OR1J2: variants seen among roughly 807,000 people sequenced by gnomAD.
OR1J2 encodes olfactory receptor family 1 subfamily J member 2, also known as olfactory receptor 1J2.
For synonymous variants in OR1J2, 142 were observed against 99.7 expected, an observed-to-expected ratio of 1.42 and a Z score of -2.52; for missense variants, 304 against 246.1, an observed-to-expected ratio of 1.24 and a Z score of -1.57.
upstream of OR1J2, among the ~76,000 whole-genome samples, chr9:122,510,103 T>G (rs982471975): frequency 3.3e-5 from 5 of 152,168 alleles, no homozygotes; most frequent in Non-Finnish European, 5.9e-5. Context: ...CACGTTTACC[T>G]GTGTAACAAA....
the OR1J2 span, among the ~76,000 whole-genome samples, chr9:122,479,974 C>T: frequency 6.6e-6 from 1 of 152,178 alleles, no homozygotes; most frequent in Non-Finnish European, 1.5e-5. Context: ...CATGGCCTCA[C>T]ATTCAAAGAA....
chr9:122,473,067 C>T, the OR1J2 span, among the ~76,000 whole-genome samples: 8 of 152,284 alleles, frequency 5.3e-5, no homozygotes, highest in South Asian at 1.7e-3. Context: ...TTTATCTTAT[C>T]CATTTCTTTT....
chr9:122,467,121 G>A, the OR1J2 span, among the ~76,000 whole-genome samples: 16 of 152,126 alleles, frequency 1.1e-4, no homozygotes, highest in African/African-American at 2.7e-4. Flanking sequence ...CACCACATCC[G>A]GCTGGGAGTG....
At chr9:122,572,579 G>T in the OR1J2 span, among the ~76,000 whole-genome samples, 3 of 147,974 alleles carry the variant, frequency 2.0e-5, no homozygotes, top group Admixed American at 6.7e-5. Flanking sequence ...TTTGGGTTTG[G>T]TTTTTTTTTT....
chr9:122,509,630 G>A (rs1012901118), upstream of OR1J2, among the ~76,000 whole-genome samples: 4 of 152,160 alleles, frequency 2.6e-5, no homozygotes, highest in Middle Eastern at 3.2e-3. Flanking sequence ...ATGGAAATGT[G>A]CCTTCCCACA....
At chr9:122,552,899 A>T in the OR1J2 span, among the ~76,000 whole-genome samples, 1 of 151,680 alleles carries the variant, frequency 6.6e-6, no homozygotes, top group African/African-American at 2.4e-5. Context: ...CTCAATTCTC[A>T]CTTCCTCTAA....
chr9:122,534,460 G>A, the OR1J2 span, among the ~76,000 whole-genome samples: 1 of 152,116 alleles, frequency 6.6e-6, no homozygotes, highest in East Asian at 1.9e-4. Flanking sequence ...ATCTGATTTG[G>A]GATAAAGAAA....
downstream of OR1J2, among the ~76,000 whole-genome samples, chr9:122,514,401 A>G (rs1828673449): frequency 1.3e-5 from 2 of 152,098 alleles, no homozygotes; most frequent in African/African-American, 4.8e-5. Context: ...TTCTGTGTTA[A>G]TTTGCTTAGG....
chr9:122,467,378 A>G, the OR1J2 span, among the ~76,000 whole-genome samples: 2 of 152,144 alleles, frequency 1.3e-5, no homozygotes, highest in African/African-American at 2.4e-5. Flanking sequence ...GAAAAATACC[A>G]TGCTAAAATT....
upstream of OR1J2, chr9:122,510,741 A>T (rs2119378453): frequency 1.0e-6 from 1 of 971,412 alleles, no homozygotes; most frequent in Non-Finnish European, 1.6e-6. Context: ...GCTAAAAATG[A>T]TAATTTCAGA....
At chr9:122,527,139 T>C in the OR1J2 span, 1 of 1,614,046 alleles carries the variant, frequency 6.2e-7, no homozygotes, top group Non-Finnish European at 8.5e-7. Flanking sequence ...GGTGTGGAGG[T>C]GCAGGTCAGA....
At chr9:122,520,104 G>T in the OR1J2 span, 1 of 1,560,916 alleles carries the variant, frequency 6.4e-7, no homozygotes, top group South Asian at 1.1e-5. Context: ...CTTTATAACA[G>T]ACATATGTAC....
At chr9:122,507,099 A>G (rs573842998), upstream of OR1J2, among the ~76,000 whole-genome samples, 24 of 152,184 alleles carry the variant, frequency 1.6e-4, no homozygotes, top group Non-Finnish European at 3.1e-4. Context: ...ATGGTGCCTT[A>G]TCTGTGGTAG....
At chr9:122,500,812 G>A in the OR1J2 span, among the ~76,000 whole-genome samples, 1 of 152,110 alleles carries the variant, frequency 6.6e-6, no homozygotes, top group East Asian at 1.9e-4. Flanking sequence ...ACTTTTGAAA[G>A]TTTCTACAGT....
the OR1J2 span, among the ~76,000 whole-genome samples, chr9:122,479,940 G>A: frequency 3.9e-5 from 6 of 152,048 alleles, no homozygotes; most frequent in Non-Finnish European, 8.8e-5. Context: ...AACAATCCTG[G>A]GGCCCCATGT....
chr9:122,524,131 A>C, the OR1J2 span, among the ~76,000 whole-genome samples: 1 of 152,352 alleles, frequency 6.6e-6, no homozygotes, highest in South Asian at 2.1e-4. Flanking sequence ...TTTCAAGCTC[A>C]TAATGGAACT....
chr9:122,450,603 A>G, the OR1J2 span, among the ~76,000 whole-genome samples: 1 of 152,222 alleles, frequency 6.6e-6, no homozygotes, highest in East Asian at 1.9e-4. Context: ...TGGTGAGAAC[A>G]TCTAAAATCT....
At chr9:122,519,515 C>T in the OR1J2 span, 29 of 1,614,114 alleles carry the variant, frequency 1.8e-5, no homozygotes, top group Non-Finnish European at 2.3e-5. Flanking sequence ...GGTATGTGGC[C>T]ATCTGTCACC....
At chr9:122,455,752 G>GT in the OR1J2 span, among the ~76,000 whole-genome samples, 1 of 151,996 alleles carries the variant, frequency 6.6e-6, no homozygotes, top group African/African-American at 2.4e-5. Flanking sequence ...TGTGTTTTTG[G>GT]TGTCATGTCT....
Sources: gnomAD v4.1 joint callset for allele counts (sites outside exome capture counted in the v4.1 genomes callset) on GRCh38, gnomAD v4.1.1 for gene constraint, MANE v1.5 for transcripts, NCBI Gene and HGNC (gene_info 2026-07-23, HGNC 2026-07-21) for gene names.